The following PLEKHA8 variants were observed in gnomAD, a reference collection of about 807,000 sequenced individuals.
The protein encoded by PLEKHA8 is pleckstrin homology domain-containing family A member 8.
Under a neutral mutation model 68.2 loss-of-function variants are expected in PLEKHA8, and 36 were observed. The ratio of observed to expected loss-of-function variants is 0.53; its 90% CI spans 0.40 to 0.70. The LOEUF is 0.70. PLEKHA8 is among the 30% of genes least tolerant of loss of function. The pLI is 0.00. For synonymous variants in PLEKHA8, 211 were observed against 216.1 expected (o/e 0.98, Z 0.20); for missense variants, 505 against 615.4 (o/e 0.82, Z 1.90).
intron 9 of PLEKHA8, among the ~76,000 whole-genome samples, chr7:30,056,397 CACAT>C (rs1273667070): frequency 8.1e-6 from 1 of 123,684 alleles, no homozygotes; most frequent in African/African-American, 3.1e-5. Context: ...ATATATATAA[CACAT>C]ATATATAACA....
exon 13 of PLEKHA8, chr7:30,090,629 C>T (rs1795377747): frequency 4.3e-6 from 1 of 230,620 alleles, no homozygotes. Flanking sequence ...GATATAAGAG[C>T]ACTAATGCCC....
chr7:30,076,546 T>C (rs1474679776), intron 13 of PLEKHA8, among the ~76,000 whole-genome samples: 1 of 152,162 alleles, frequency 6.6e-6, no homozygotes, highest in African/African-American at 2.4e-5. Flanking sequence ...CTCATAATCC[T>C]GAGATAGATT....
At chr7:30,128,542 C>T (rs967070159) in intron 13 of PLEKHA8, among the ~76,000 whole-genome samples, 6 of 152,132 alleles carry the variant, frequency 3.9e-5, no homozygotes, top group African/African-American at 9.7e-5. Context: ...TTATTTCTTT[C>T]TCGCTGTCTA....
intron 13 of PLEKHA8, among the ~76,000 whole-genome samples, chr7:30,124,162 CT>C (rs1474633550): frequency 1.3e-5 from 2 of 152,062 alleles, no homozygotes; most frequent in African/African-American, 2.4e-5. Context: ...AGTAGATGGG[CT>C]TTTTTCGTTG....
exon 13 of PLEKHA8, chr7:30,090,722 A>T: frequency 1.4e-6 from 1 of 690,078 alleles, no homozygotes. Context: ...AATCTTTTAA[A>T]TAAACAGATT....
chr7:30,122,150 A>C (rs1796706945), intron 13 of PLEKHA8, among the ~76,000 whole-genome samples: 1 of 152,252 alleles, frequency 6.6e-6, no homozygotes, highest in Non-Finnish European at 1.5e-5. Flanking sequence ...GTAGAATCAG[A>C]ACACATTGGC....
At chr7:30,033,556 G>A (rs1351742218) in intron 1 of PLEKHA8, among the ~76,000 whole-genome samples, 1 of 152,096 alleles carries the variant, frequency 6.6e-6, no homozygotes, top group Non-Finnish European at 1.5e-5. Context: ...GGATTGGGCT[G>A]TTCTTTTTGT....
At chr7:30,036,133 G>A (rs183233464) in intron 1 of PLEKHA8, among the ~76,000 whole-genome samples, 4 of 152,106 alleles carry the variant, frequency 2.6e-5, no homozygotes, top group Admixed American at 6.5e-5. Flanking sequence ...GCACACGACT[G>A]TAATCCCAGC....
intron 7 of PLEKHA8, among the ~76,000 whole-genome samples, chr7:30,053,348 A>G (rs1042392922): frequency 1.3e-5 from 2 of 152,200 alleles, no homozygotes; most frequent in African/African-American, 4.8e-5. Flanking sequence ...CAAATATGCT[A>G]ATCCCTTGGC....
At chr7:30,031,574 A>G (rs973476271) in intron 1 of PLEKHA8, among the ~76,000 whole-genome samples, 3 of 152,116 alleles carry the variant, frequency 2.0e-5, no homozygotes, top group African/African-American at 7.2e-5. Context: ...GGGAGGCTAG[A>G]TATTTCAGGG....
At chr7:30,056,300 CTCTCTCTCTCTCTA>C (rs1430377727) in intron 9 of PLEKHA8, among the ~76,000 whole-genome samples, 6 of 91,770 alleles carry the variant, frequency 6.5e-5, no homozygotes, top group African/African-American at 1.8e-4. Flanking sequence ...CTCTCTCTCT[CTCTCTCTCTCTCTA>C]TATATATATA....
At position 30,074,118 on chromosome 7, in the gene PLEKHA8, C is replaced by G; in HGVS notation, c.1348C>G (p.Arg450Gly). Residue 450 changes from arginine (R) to glycine (G), a missense_variant, in exon 13 of 14, where the codon CGA becomes GGA. By Grantham distance (125) the Arg-to-Gly change is moderately radical (BLOSUM62 -2). Transcript: ENST00000449726. ...GCGGCAACACCATGGCTGGGTAGTT[C>G]GAGGGGTTTTTGCGGTAAGTGATCC... is the stretch of plus-strand genomic sequence containing the variant. ...TLRQHHGWVV[R>G]GVFALALRAA... 3.7e-6 allele frequency: 6 copies of G among 1,612,778 alleles called. No homozygotes were observed. Among genetic ancestry groups the G allele is most frequent in the African/African-American group, 1.3e-5 (1 of 74,886 alleles).
In PLEKHA8 at chr7:30,080,473, T is replaced by C; in HGVS notation, c.*1686T>C. On this transcript the variant is annotated 3_prime_UTR_variant, in exon 14 of 14. Coordinates refer to ENST00000449726, the MANE Select transcript of PLEKHA8 (RefSeq NM_001197026.2). Reference sequence around the variant, plus strand: ...GATGATGCTGTTCCTGCTGCAGATCTCTAGGATGGAGAGAATTCTCTCTTT... The same window carrying C: ...GATGATGCTGTTCCTGCTGCAGATCCCTAGGATGGAGAGAATTCTCTCTTT... 3.0e-6 allele frequency: 3 copies of C among 985,354 alleles called. No individual in the cohort carries two copies. The highest frequency in any genetic ancestry group is 3.6e-6 in the Non-Finnish European group (3 of 829,904). 61.0% of individuals were successfully genotyped at this position (985,354 alleles called of 1,614,324 possible). A position where few individuals can be genotyped will look rare whatever the true frequency, so the allele number is the denominator to read the frequency against.
chr7:30,129,225 G>T (rs569572512), intron 13 of PLEKHA8: 226 of 1,612,544 alleles, frequency 1.4e-4, no homozygotes, highest in Non-Finnish European at 1.8e-4. Flanking sequence ...ATGACAGTTG[G>T]CCTGTGTTCC....
At chr7:30,062,406 T>A (rs2127989019) in intron 11 of PLEKHA8, among the ~76,000 whole-genome samples, 1 of 152,262 alleles carries the variant, frequency 6.6e-6, no homozygotes, top group Middle Eastern at 3.4e-3. Flanking sequence ...TCTAGCAAAT[T>A]CCCAGGTGAT....
In PLEKHA8 at chr7:30,045,163, G is replaced by T; in HGVS notation, c.119G>T (p.Cys40Phe). Residue 40 changes from cysteine (C) to phenylalanine (F), a missense_variant, in exon 2 of 14, where the codon TGC (cysteine) becomes TTC (phenylalanine). By Grantham distance (205) the Cys-to-Phe change is radical (BLOSUM62 -2). Transcript: ENST00000449726. Reference protein sequence around the residue: ...YDSPEDAWKGCKGSIQMAVCE... With the variant: ...YDSPEDAWKGFKGSIQMAVCE... ...TCTCCTGAAGATGCCTGGAAAGGTT[G>T]CAAAGGGAGCATACAAATGGCAGTC... 6.2e-7 allele frequency: 1 copy of T among 1,611,550 alleles called. No homozygotes were observed.
chr7:30,052,658 A>G lies in PLEKHA8; in HGVS notation c.639-51A>G, dbSNP rs747784053. Reference sequence around the variant, plus strand: ...CCTGTTTCAAAAAAAAAAAAAAAAAAAAGACCAAATAACGACCTTCTGGCT... The same window carrying G: ...CCTGTTTCAAAAAAAAAAAAAAAAAGAAGACCAAATAACGACCTTCTGGCT... On this transcript the variant is annotated intron_variant, in intron 6 of 13. Coordinates refer to ENST00000449726, the MANE Select transcript of PLEKHA8 (RefSeq NM_001197026.2). 126 of 1,438,910 alleles carry G rather than the reference A, an allele frequency of 8.8e-5. No homozygotes were observed. In the African/African-American group the frequency reaches 1.6e-3, roughly 18 times the overall value. 89.1% of individuals were successfully genotyped at this position (1,438,910 alleles called of 1,614,324 possible). A position where few individuals can be genotyped will look rare whatever the true frequency, so the allele number is the denominator to read the frequency against.
At chr7:30,092,613 A>G (rs1404666661), downstream of PLEKHA8, among the ~76,000 whole-genome samples, 1 of 152,100 alleles carries the variant, frequency 6.6e-6, no homozygotes, top group Non-Finnish European at 1.5e-5. Context: ...TCCGGAGGAC[A>G]TCTGTTTTTC....
chr7:30,120,010 C>G (rs1055653800), intron 13 of PLEKHA8, among the ~76,000 whole-genome samples: 1 of 151,984 alleles, frequency 6.6e-6, no homozygotes, highest in Non-Finnish European at 1.5e-5. Flanking sequence ...AATATTAAAC[C>G]TCTAAGATAC....
Sources: allele counts gnomAD v4.1 joint callset (sites outside exome capture counted in the v4.1 genomes callset), GRCh38; gene constraint gnomAD v4.1.1; transcripts MANE v1.5; gene names NCBI Gene and HGNC (gene_info 2026-07-23, HGNC 2026-07-21).